The following KALRN variants were observed in gnomAD, a reference collection of about 807,000 sequenced individuals.
The protein encoded by KALRN is kalirin.
A neutral mutation model predicts 353.7 loss-of-function variants in KALRN; 70 were observed. The ratio of observed to expected loss-of-function variants is 0.20; its 90% confidence interval spans 0.16 to 0.24. The LOEUF is 0.24. Ranked by LOEUF, KALRN falls within the 10% of genes least tolerant of loss-of-function variation. The pLI is 1.00. For synonymous variants in KALRN, 1,391 were observed against 1,434.8 expected (o/e 0.97, Z 0.69); for missense variants, 2,791 against 3,756.7 (o/e 0.74, Z 6.72).
chr3:124,101,950 C>T (rs1162139803), intron 1 of KALRN, among the ~76,000 whole-genome samples: 3 of 152,036 alleles, frequency 2.0e-5, no homozygotes, highest in African/African-American at 4.8e-5. Flanking sequence ...GTTCTTTGTG[C>T]CAACCTTTAT....
chr3:124,268,605 A>G (rs2073834601), intron 4 of KALRN, 138 bp from the exon 5 acceptor site: 1 of 838,136 alleles, frequency 1.2e-6, no homozygotes, highest in Non-Finnish European at 1.9e-6. Context: ...AGTGAGTCCC[A>G]TGGCCTCCAC....
At chr3:124,322,490 A>G (rs80217383) in intron 6 of KALRN, among the ~76,000 whole-genome samples, 1,885 of 152,288 alleles carry the variant, frequency 0.012, 16 homozygotes, top group Middle Eastern at 0.02. Context: ...GAAGAATGGG[A>G]GAGCCAGGCA....
chr3:124,331,653 G>A (rs576947102), intron 8 of KALRN, among the ~76,000 whole-genome samples: 29 of 152,016 alleles, frequency 1.9e-4, no homozygotes, highest in Non-Finnish European at 3.7e-4. Context: ...CTGTGCCTCT[G>A]CCCATGGGTC....
Position 124,450,938 on chromosome 3 carries a change from TAACA to T in KALRN, c.3552+4059_3552+4062del, listed in dbSNP as rs140611458. ...AAAATTTTGGTTCTTTTATGTATAA[TAACA>T]AACAATCCCCTGCTGAATGAATCAG... On this transcript the variant is annotated intron_variant, in intron 21 of 59. Transcript: ENST00000682506. 3.9e-3 allele frequency among the ~76,000 whole-genome samples: 597 copies of T among 152,150 alleles called. 15 individuals are homozygous for T. In the East Asian group the frequency reaches 0.074, roughly 19 times the overall value.
At chr3:124,140,836 GGT>G (rs1163028341) in intron 1 of KALRN, among the ~76,000 whole-genome samples, 1 of 152,090 alleles carries the variant, frequency 6.6e-6, no homozygotes, top group Non-Finnish European at 1.5e-5. Flanking sequence ...TCTCACCCTG[GGT>G]CATGGGTGAC....
intron 39 of KALRN, among the ~76,000 whole-genome samples, chr3:124,656,931 G>T (rs557473925): frequency 3.9e-5 from 6 of 152,276 alleles, no homozygotes; most frequent in African/African-American, 1.4e-4. Flanking sequence ...TGAAATGCAG[G>T]GAACTCAGAC....
intron 10 of KALRN, among the ~76,000 whole-genome samples, chr3:124,354,757 G>A (rs528734391): frequency 6.6e-6 from 1 of 152,164 alleles, no homozygotes; most frequent in African/African-American, 2.4e-5. Flanking sequence ...AGGATATTGA[G>A]CTCATAACTA....
intron 13 of KALRN, among the ~76,000 whole-genome samples, chr3:124,412,391 C>T (rs575293238): frequency 3.3e-4 from 50 of 152,340 alleles, no homozygotes; most frequent in Admixed American, 1.1e-3. Flanking sequence ...GTGACACTTT[C>T]GTCTCCTGAG....
chr3:124,657,755 A>C lies in KALRN; in HGVS notation c.5988A>C (p.Glu1996Asp). 1 of 1,613,782 alleles carries C rather than the reference A, an allele frequency of 6.2e-7. No individual in the cohort carries two copies. The highest frequency in any genetic ancestry group is 8.5e-7 in the Non-Finnish European group (1 of 1,179,666). Residue 1996 changes from glutamate (E) to aspartate (D), a missense_variant, in exon 41 of 60, where the codon GAA (glutamate) becomes GAC (aspartate). Physicochemically the swap from Glu to Asp is conservative, Grantham distance 45. Transcript: ENST00000682506. ...TTAGTTTTTTCCTGGCGGAACTGGA[A>C]AAGTGTATCCAGGAGCAAGACAGAT... ...WHKDFFLAEL[E>D]KCIQEQDRLA...
rs570848830 is a variant in KALRN, at chr3:124,272,937, C to T, written c.969+3682C>T. ...CAAGGGCTTGAGGAAGTAGTTACTG[C>T]CTGAGCCAAGTCTTAGTCTCCCTTC... On this transcript the variant is annotated intron_variant, in intron 5 of 59. Transcript: ENST00000682506. 2.0e-5 allele frequency among the ~76,000 whole-genome samples: 3 copies of T among 152,294 alleles called. No individual in the cohort carries two copies. The South Asian group carries it at 6.2e-4, about 32-fold the overall frequency.
intron 3 of KALRN, among the ~76,000 whole-genome samples, chr3:124,241,545 A>C (rs941061412): frequency 6.6e-6 from 1 of 152,234 alleles, no homozygotes; most frequent in Non-Finnish European, 1.5e-5. Flanking sequence ...ATTTGTGTCA[A>C]TATCAAACAA....
At chr3:124,243,059 G>A (rs968501404) in intron 3 of KALRN, among the ~76,000 whole-genome samples, 3 of 152,206 alleles carry the variant, frequency 2.0e-5, no homozygotes, top group African/African-American at 7.2e-5. Flanking sequence ...TTCTAGCGAT[G>A]ATCATCTTGT....
At chr3:124,339,218 T>C (rs1387243246) in intron 9 of KALRN, among the ~76,000 whole-genome samples, 1 of 152,140 alleles carries the variant, frequency 6.6e-6, no homozygotes, top group Non-Finnish European at 1.5e-5. Flanking sequence ...GCCTCCGCTC[T>C]GCTGGGAGGG....
intron 1 of KALRN, among the ~76,000 whole-genome samples, chr3:124,136,717 A>G (rs2065962154): frequency 6.6e-6 from 1 of 152,202 alleles, no homozygotes; most frequent in Non-Finnish European, 1.5e-5. Flanking sequence ...AATTTTGGGT[A>G]GAGGTTTGAG....
chr3:124,686,798 ATTTTTTTT>A (rs10599336), intron 51 of KALRN, among the ~76,000 whole-genome samples: 2,555 of 70,894 alleles, frequency 0.036, 154 homozygotes, highest in Middle Eastern at 0.079. Context: ...CACTGGTGAG[ATTTTTTTT>A]TTTTTTTTTT....
chr3:124,705,075 G>A (rs1049607310), intron 57 of KALRN, among the ~76,000 whole-genome samples: 2 of 152,182 alleles, frequency 1.3e-5, no homozygotes, highest in South Asian at 4.1e-4. Flanking sequence ...TGAGTATGGC[G>A]TGTTTAACCA....
At chr3:124,249,643 A>G (rs2070838532) in intron 3 of KALRN, among the ~76,000 whole-genome samples, 1 of 152,084 alleles carries the variant, frequency 6.6e-6, no homozygotes, top group African/African-American at 2.4e-5. Flanking sequence ...TGCACAGGAT[A>G]AGGGCCTCTA....
Position 124,518,563 on chromosome 3 carries a change from C to G in KALRN, c.4935+22150C>G, listed in dbSNP as rs547630014. On this transcript the variant is annotated intron_variant, in intron 33 of 59. Transcript: ENST00000682506. Reference sequence around the variant, plus strand: ...ATCACCCACCTCTCTTGAGACTTCTCTGGCAGGGCTGGTGTGGGGTGCAGC... The same window carrying G: ...ATCACCCACCTCTCTTGAGACTTCTGTGGCAGGGCTGGTGTGGGGTGCAGC... The G allele has an allele frequency of 8.1e-5, 130 of 1,606,898 alleles. 4 individuals carry two copies. In the South Asian group the frequency reaches 1.3e-3, roughly 16 times the overall value.
At chr3:124,642,048 A>G (rs1660036) in intron 37 of KALRN, among the ~76,000 whole-genome samples, 35,638 of 152,024 alleles carry the variant, frequency 0.23, 4,485 homozygotes, top group East Asian at 0.47. Flanking sequence ...TTGGGAGGCC[A>G]AAGCGGGCAG....
Sources: gnomAD v4.1 joint callset for allele counts (sites outside exome capture counted in the v4.1 genomes callset) on GRCh38, gnomAD v4.1.1 for gene constraint, MANE v1.5 for transcripts, NCBI Gene and HGNC (gene_info 2026-07-23, HGNC 2026-07-21) for gene names.